Variants in ZBTB20 observed in about 807,000 individuals in gnomAD.
The protein encoded by ZBTB20 is zinc finger and BTB domain-containing protein 20.
A neutral mutation model predicts 56.9 loss-of-function variants in ZBTB20; 9 were observed. The ratio of observed to expected loss-of-function variants is 0.16; its 90% CI spans 0.10 to 0.28. ZBTB20 has a LOEUF of 0.28. Ranked by LOEUF, ZBTB20 falls within the 10% of genes least tolerant of loss-of-function variation. The pLI is 1.00. For synonymous variants in ZBTB20, 417 were observed against 420.7 expected (o/e 0.99, Z 0.11); for missense variants, 655 against 1,003.0 (o/e 0.65, Z 4.69).
At chr3:114,899,533 A>T (rs894032694) in intron 4 of ZBTB20, among the ~76,000 whole-genome samples, 1 of 152,194 alleles carries the variant, frequency 6.6e-6, no homozygotes, top group Non-Finnish European at 1.5e-5. Context: ...TACTAAAAAA[A>T]AAATATTTGA....
chr3:114,489,458 T>C (rs2042494213), intron 7 of ZBTB20, among the ~76,000 whole-genome samples: 2 of 152,314 alleles, frequency 1.3e-5, no homozygotes, highest in South Asian at 4.1e-4. Flanking sequence ...CTTTATGTGA[T>C]ATTATTCAGA....
At chr3:114,522,034 A>C (rs1244012044) in intron 6 of ZBTB20, among the ~76,000 whole-genome samples, 2 of 152,160 alleles carry the variant, frequency 1.3e-5, no homozygotes, top group Non-Finnish European at 2.9e-5. Context: ...CAAAAAACAA[A>C]CAAACAAAAC....
At chr3:114,444,437 G>T (rs999744454) in intron 7 of ZBTB20, among the ~76,000 whole-genome samples, 16 of 152,104 alleles carry the variant, frequency 1.1e-4, no homozygotes, top group African/African-American at 3.6e-4. Context: ...CCGAGGTGAG[G>T]TTACTGGCAT....
chr3:114,560,052 T>A (rs371540526), intron 6 of ZBTB20, among the ~76,000 whole-genome samples: 1 of 152,200 alleles, frequency 6.6e-6, no homozygotes, highest in African/African-American at 2.4e-5. Flanking sequence ...TTATCAGCAT[T>A]GATGCAGTGT....
chr3:115,034,328 A>C (rs1352467857), intron 2 of ZBTB20, among the ~76,000 whole-genome samples: 3 of 151,704 alleles, frequency 2.0e-5, no homozygotes, highest in Admixed American at 6.6e-5. Context: ...TATGTAAAAA[A>C]CATATTCCAC....
rs555783819 is a variant in ZBTB20, at chr3:114,586,247, C to G, written c.-294-85856G>C. 1.2e-4 allele frequency among the ~76,000 whole-genome samples: 19 copies of G among 152,296 alleles called. No homozygotes were observed. The South Asian group carries it at 3.5e-3, about 28-fold the overall frequency. ...CACTCTTGAGTTGTTTAGCTGGACT[C>G]TGAATCATGAAATGAAGTCCTGAAG... On this transcript the variant is annotated intron_variant, in intron 6 of 11. Coordinates refer to ENST00000675478, the MANE Select transcript of ZBTB20 (RefSeq NM_001348800.3).
At chr3:115,045,070 C>A (rs1379384586) in intron 2 of ZBTB20, among the ~76,000 whole-genome samples, 1 of 152,132 alleles carries the variant, frequency 6.6e-6, no homozygotes, top group Non-Finnish European at 1.5e-5. Flanking sequence ...AGCAGCAAAT[C>A]ATACTTAGCA....
Position 114,321,866 on chromosome 3 carries a change from A to C in ZBTB20, c.*17139T>G, listed in dbSNP as rs1344782836. ...ATCCTAAGTGGATACTGTCCCTTCA[A>C]ACCTCCTCAGAAGACTGGAGGCAAT... On this transcript the variant is annotated 3_prime_UTR_variant, in exon 12 of 12. Coordinates refer to ENST00000675478, the MANE Select transcript of ZBTB20 (RefSeq NM_001348800.3). 2 of 152,256 alleles carry C rather than the reference A, an allele frequency of 1.3e-5. No homozygotes were observed. Among genetic ancestry groups the C allele is most frequent in the Non-Finnish European group, 2.9e-5 (2 of 68,080 alleles). The allele number at this position is 152,256 out of a possible 1,614,324, so 9.4% of individuals were successfully genotyped here. A position where few individuals can be genotyped will look rare whatever the true frequency, so the allele number is the denominator to read the frequency against.
At chr3:114,633,852 A>C (rs1295351975) in intron 6 of ZBTB20, among the ~76,000 whole-genome samples, 1 of 152,178 alleles carries the variant, frequency 6.6e-6, no homozygotes, top group Non-Finnish European at 1.5e-5. Context: ...AAAGGAATAA[A>C]TTTCTTCCAC....
chr3:114,998,922 GC>G (rs1002059370), intron 2 of ZBTB20, among the ~76,000 whole-genome samples: 1 of 149,654 alleles, frequency 6.7e-6, no homozygotes, highest in African/African-American at 2.5e-5. Context: ...AGTAACTGAA[GC>G]CAGAAAATTG....
At chr3:115,069,539 C>G (rs1375956932) in intron 2 of ZBTB20, among the ~76,000 whole-genome samples, 2 of 152,092 alleles carry the variant, frequency 1.3e-5, no homozygotes, top group African/African-American at 2.4e-5. Flanking sequence ...CAGGTCTCAG[C>G]ACGTACTGAC....
chr3:114,863,893 A>C (rs1162282365), intron 4 of ZBTB20, among the ~76,000 whole-genome samples: 1 of 151,736 alleles, frequency 6.6e-6, no homozygotes, highest in African/African-American at 2.4e-5. Flanking sequence ...TGCTATCAGC[A>C]ATTAAAAATT....
At chr3:114,974,063 T>C (rs1257656342) in intron 3 of ZBTB20, among the ~76,000 whole-genome samples, 7 of 108,652 alleles carry the variant, frequency 6.4e-5, no homozygotes, top group Non-Finnish European at 2.0e-5. Context: ...CCAAACCAGT[T>C]AAAAAAAAAA....
intron 3 of ZBTB20, among the ~76,000 whole-genome samples, chr3:114,964,653 G>A (rs1300843242): frequency 6.6e-6 from 1 of 152,150 alleles, no homozygotes; most frequent in East Asian, 1.9e-4. Context: ...AGCAAACAGT[G>A]AAGTGTGTGT....
Position 114,380,393 on chromosome 3 carries a change from T to C in ZBTB20, c.23A>G (p.Lys8Arg). The C allele has an allele frequency of 2.0e-6, 3 of 1,528,164 alleles. No homozygotes were observed. The highest frequency in any genetic ancestry group is 2.6e-6 in the Non-Finnish European group (3 of 1,142,630). The allele number at this position is 1,528,164 out of a possible 1,614,324, so 94.7% of individuals were successfully genotyped here. ...AGATGCCTTCTGGTTTTCAGCTGTC[T>C]TGGGTTTCTTCCTGAAAATAAACAA... MLERKKP[K>R]TAENQKASEE... is the part of the protein sequence containing the mutation. The change falls in exon 10 of 12, where the codon AAG becomes AGG. Residue 8 changes from lysine (K) to arginine (R), a missense_variant. This residue lies in a region of ZBTB20 where 79 missense variants were observed against 78.4 expected (regional missense o/e 1.01). Coordinates refer to ENST00000675478, the MANE Select transcript of ZBTB20 (RefSeq NM_001348800.3).
intron 6 of ZBTB20, among the ~76,000 whole-genome samples, chr3:114,670,513 G>A (rs1161196406): frequency 6.6e-6 from 1 of 152,082 alleles, no homozygotes; most frequent in African/African-American, 2.4e-5. Context: ...GATGGAGATA[G>A]AGAAGGTAGA....
At chr3:114,883,879 A>T (rs2076490466) in intron 4 of ZBTB20, among the ~76,000 whole-genome samples, 1 of 149,562 alleles carries the variant, frequency 6.7e-6, no homozygotes, top group African/African-American at 2.4e-5. Context: ...TTTCCTTGGT[A>T]AGATTCAAGG....
chr3:114,408,492 A>G (rs2087564367), intron 7 of ZBTB20, among the ~76,000 whole-genome samples: 1 of 152,122 alleles, frequency 6.6e-6, no homozygotes, highest in African/African-American at 2.4e-5. Flanking sequence ...AATTAGAACA[A>G]GTCCTCATAC....
chr3:114,938,543 A>G (rs1236068238), intron 3 of ZBTB20, among the ~76,000 whole-genome samples: 1 of 146,138 alleles, frequency 6.8e-6, no homozygotes, highest in African/African-American at 2.8e-5. Flanking sequence ...GAAGCTGGAA[A>G]CCATCATTCT....
Sources: gnomAD v4.1 joint callset for allele counts (sites outside exome capture counted in the v4.1 genomes callset) on GRCh38, gnomAD v4.1.1 for gene constraint, gnomAD v4.1.1 regional missense constraint, MANE v1.5 for transcripts, NCBI Gene and HGNC (gene_info 2026-07-23, HGNC 2026-07-21) for gene names.